The following ASAP1 variants were observed in gnomAD, a reference collection of about 807,000 sequenced individuals.
The protein encoded by ASAP1 is arf-GAP with SH3 domain, ANK repeat and PH domain-containing protein 1.
Under a neutral mutation model 145.2 loss-of-function variants are expected in ASAP1, and 43 were observed. The observed-to-expected ratio is 0.30, with a 90% CI of 0.23 to 0.38. The LOEUF is 0.38. Among genes scored for constraint, ASAP1 ranks in the 10% least tolerant of loss-of-function variants. The pLI is 1.00. For synonymous variants in ASAP1, 546 were observed against 515.5 expected (o/e 1.06, Z -0.80); for missense variants, 1,018 against 1,355.3 (o/e 0.75, Z 3.91).
intron 5 of ASAP1, among the ~76,000 whole-genome samples, chr8:130,212,388 G>T (rs1014911583): frequency 6.6e-6 from 1 of 152,194 alleles, no homozygotes; most frequent in African/African-American, 2.4e-5. Context: ...TGTAGCTTGA[G>T]GTATGTATAT....
At chr8:130,080,401 T>C (rs1336989298) in intron 25 of ASAP1, among the ~76,000 whole-genome samples, 2 of 151,894 alleles carry the variant, frequency 1.3e-5, no homozygotes, top group Admixed American at 6.6e-5. Flanking sequence ...GTGAACACCA[T>C]TAGCAGGGTG....
At position 130,262,416 on chromosome 8, in the gene ASAP1, A is replaced by AAGAGAG. The variant is rs71513089; in HGVS notation, c.187-25428_187-25423dup. ...TCAAAAAAAAAAAAAAAAAAAAAAA[A>AAGAGAG]AGAGAGAGAGAGAGAGAGAGAGAGA... On this transcript the variant is annotated intron_variant, in intron 3 of 29. Coordinates refer to ENST00000518721, the MANE Select transcript of ASAP1 (RefSeq NM_018482.4). Among the ~76,000 whole-genome samples, 182 of 57,840 alleles carry AAGAGAG rather than the reference A, an allele frequency of 3.1e-3. 1 individual carries two copies. Among genetic ancestry groups the AAGAGAG allele is most frequent in the African/African-American group, 7.0e-3 (103 of 14,738 alleles). The allele number at this position is 57,840 out of a possible 152,430, so 37.9% of individuals were successfully genotyped here.
At chr8:130,205,394 AAAAAAAC>A (rs1816146287) in intron 5 of ASAP1, among the ~76,000 whole-genome samples, 1 of 151,636 alleles carries the variant, frequency 6.6e-6, no homozygotes, top group African/African-American at 2.4e-5. Flanking sequence ...AAAAAAAAAA[AAAAAAAC>A]AAAAACCATA....
chr8:130,433,018 A>G (rs888857580), intron 1 of ASAP1, among the ~76,000 whole-genome samples: 27 of 152,246 alleles, frequency 1.8e-4, no homozygotes, highest in Non-Finnish European at 3.2e-4. Flanking sequence ...AACAGAGTGT[A>G]GACTGCAAAT....
chr8:130,215,709 A>T (rs1816860166), intron 4 of ASAP1, among the ~76,000 whole-genome samples: 1 of 152,042 alleles, frequency 6.6e-6, no homozygotes, highest in South Asian at 2.1e-4. Flanking sequence ...GCGTCACTGC[A>T]CTCCAGCCTG....
In ASAP1 at chr8:130,115,698, A is replaced by T. The variant is rs1054171368; in HGVS notation, c.2102T>A (p.Val701Asp). The T allele has an allele frequency of 6.2e-7, 1 of 1,614,068 alleles. No homozygotes were observed. Among genetic ancestry groups the T allele is most frequent in the Non-Finnish European group, 8.5e-7 (1 of 1,180,020 alleles). The change falls in exon 23 of 30, where the codon GTC (valine) becomes GAC (aspartate). Residue 701 changes from valine to aspartate, a missense_variant. Transcript: ENST00000518721. ...AAGATTCCACTCATATTCTACGTGGACGTGTGGATTGAACTTTCCAGATTT... is the reference window on the plus strand; with the variant it reads ...AAGATTCCACTCATATTCTACGTGGTCGTGTGGATTGAACTTTCCAGATTT... ...QAKSGKFNPH[V>D]HVEYEWNLRQ... is the part of the protein sequence containing the mutation.
At chr8:130,393,264 T>A (rs1238804556) in intron 2 of ASAP1, among the ~76,000 whole-genome samples, 1 of 152,190 alleles carries the variant, frequency 6.6e-6, no homozygotes, top group Admixed American at 6.5e-5. Context: ...AGGAAAATCA[T>A]GAGGAAATGT....
At chr8:130,423,404 G>C (rs909701685) in intron 1 of ASAP1, among the ~76,000 whole-genome samples, 1 of 152,186 alleles carries the variant, frequency 6.6e-6, no homozygotes, top group Admixed American at 6.5e-5. Flanking sequence ...AACCTTTCTG[G>C]AGGGTGGCTT....
intron 9 of ASAP1, among the ~76,000 whole-genome samples, chr8:130,170,643 A>G (rs1193261927): frequency 6.6e-6 from 1 of 152,222 alleles, no homozygotes; most frequent in Admixed American, 6.5e-5. Flanking sequence ...CTACCTTTAG[A>G]AAGTTTTTCA....
intron 3 of ASAP1, among the ~76,000 whole-genome samples, chr8:130,343,048 G>T (rs1264599149): frequency 6.6e-6 from 1 of 152,194 alleles, no homozygotes; most frequent in Non-Finnish European, 1.5e-5. Flanking sequence ...AGTCATGGGA[G>T]GTTAAAATGT....
At chr8:130,346,688 A>AG (rs1825722532) in intron 3 of ASAP1, among the ~76,000 whole-genome samples, 1 of 151,458 alleles carries the variant, frequency 6.6e-6, no homozygotes, top group East Asian at 1.9e-4. Context: ...AAAATGCAGA[A>AG]GCCTTGGGAT....
chr8:130,122,629 G>A (rs1240843041), intron 18 of ASAP1, among the ~76,000 whole-genome samples: 1 of 152,220 alleles, frequency 6.6e-6, no homozygotes, highest in Non-Finnish European at 1.5e-5. Flanking sequence ...GACAATTAAA[G>A]TTACTTGTCC....
intron 5 of ASAP1, among the ~76,000 whole-genome samples, chr8:130,210,060 A>G (rs1477502921): frequency 6.6e-6 from 1 of 152,218 alleles, no homozygotes; most frequent in African/African-American, 2.4e-5. Flanking sequence ...AGGACTACTT[A>G]TGAAGTTTTT....
Position 130,358,160 on chromosome 8 carries a change from G to C in ASAP1, c.60-17C>G. On this transcript the variant is annotated splice_polypyrimidine_tract_variant and intron_variant, in intron 2 of 29. Transcript: ENST00000518721. This position sits in a 1 kb window ranked among gnomAD's most constrained non-coding sequence, Gnocchi z 4.1. ...TCCGGCATCCTGCCGGGAGGGACGA[G>C]ACACAAGCGGGGGCGGGGGGTGAGT... The C allele has an allele frequency of 6.3e-7, 1 of 1,593,722 alleles. No homozygotes were observed. Among genetic ancestry groups the C allele is most frequent in the Non-Finnish European group, 8.5e-7 (1 of 1,172,028 alleles).
chr8:130,208,917 G>T (rs137956969), intron 5 of ASAP1, among the ~76,000 whole-genome samples: 16 of 151,884 alleles, frequency 1.1e-4, no homozygotes, highest in African/African-American at 3.9e-4. Context: ...TCATCTATTT[G>T]CCATCCCCCT....
intron 3 of ASAP1, among the ~76,000 whole-genome samples, chr8:130,303,891 T>G (rs575949446): frequency 1.3e-5 from 2 of 152,136 alleles, no homozygotes; most frequent in African/African-American, 4.8e-5. Flanking sequence ...ATGTACAACA[T>G]AGAGTGAACT....
chr8:130,297,591 C>T (rs191094353), intron 3 of ASAP1, among the ~76,000 whole-genome samples: 4 of 152,264 alleles, frequency 2.6e-5, no homozygotes, highest in African/African-American at 4.8e-5. Flanking sequence ...AAGTGCAGGA[C>T]GACTATCTCC....
intron 2 of ASAP1, among the ~76,000 whole-genome samples, chr8:130,359,915 G>A (rs1192635084): frequency 3.9e-5 from 6 of 152,236 alleles, no homozygotes; most frequent in Non-Finnish European, 8.8e-5. Context: ...GAGCCACCGC[G>A]CCCGGCCCAT....
At chr8:130,160,014 A>G (rs1281565146) in intron 11 of ASAP1, 50 bp from the exon 12 acceptor site, 1 of 1,491,368 alleles carries the variant, frequency 6.7e-7, no homozygotes, top group South Asian at 1.1e-5. Context: ...CAATTCTCCC[A>G]TCTTTGATTC....
Sources: gnomAD v4.1 joint callset for allele counts (sites outside exome capture counted in the v4.1 genomes callset) on GRCh38, gnomAD v4.1.1 for gene constraint, Gnocchi (gnomAD v3.1) non-coding constraint, MANE v1.5 for transcripts, NCBI Gene and HGNC (gene_info 2026-07-23, HGNC 2026-07-21) for gene names.